Variants in MYRIP observed in about 807,000 individuals in gnomAD.
The protein encoded by MYRIP is myosin VIIA and Rab interacting protein, also known as rab effector MyRIP.
In MYRIP, 49 loss-of-function variants were observed where a neutral mutation model predicts 98.0. That is an observed-to-expected ratio of 0.50 (90% CI 0.40 to 0.63). The LOEUF (loss-of-function observed/expected upper bound fraction) is 0.63. Ranked by LOEUF, MYRIP falls within the 30% of genes least tolerant of loss-of-function variation. MYRIP has a pLI of 0.00. For synonymous variants in MYRIP, 404 were observed against 409.5 expected (o/e 0.99, Z 0.16); for missense variants, 1,004 against 1,058.2 (o/e 0.95, Z 0.71).
chr3:40,196,281 C>T (rs1951392193), intron 10 of MYRIP, among the ~76,000 whole-genome samples: 2 of 151,818 alleles, frequency 1.3e-5, no homozygotes, highest in Admixed American at 1.3e-4. Flanking sequence ...CTTCTTTTTA[C>T]TTTCTTGTTT....
chr3:40,182,714 C>T (rs946387205), intron 9 of MYRIP, among the ~76,000 whole-genome samples: 2 of 152,180 alleles, frequency 1.3e-5, no homozygotes, highest in Admixed American at 6.5e-5. Context: ...GCTGCCTGTT[C>T]TATGTGGACT....
intron 2 of MYRIP, among the ~76,000 whole-genome samples, chr3:40,006,524 G>C (rs1052633224): frequency 1.3e-5 from 2 of 152,190 alleles, no homozygotes; most frequent in Non-Finnish European, 2.9e-5. Context: ...ACTATGGCAG[G>C]TCAGGGGCAT....
At chr3:40,069,963 C>T (rs1042407719) in intron 3 of MYRIP, among the ~76,000 whole-genome samples, 9 of 152,070 alleles carry the variant, frequency 5.9e-5, no homozygotes, top group Non-Finnish European at 1.3e-4. Flanking sequence ...TAAAGTGGTT[C>T]GCAGTATCTT....
chr3:39,855,320 G>A (rs1350258241), intron 1 of MYRIP, among the ~76,000 whole-genome samples: 1 of 152,106 alleles, frequency 6.6e-6, no homozygotes, highest in Admixed American at 6.5e-5. Flanking sequence ...TAGTAGTAGG[G>A]GAATCCAAGT....
chr3:39,824,726 C>G, intron 1 of MYRIP, among the ~76,000 whole-genome samples: 1 of 139,132 alleles, frequency 7.2e-6, no homozygotes, highest in Non-Finnish European at 1.6e-5. Context: ...TTTTCTTTTT[C>G]TTTTTAACAG....
chr3:39,957,488 C>A (rs544362065), intron 2 of MYRIP, among the ~76,000 whole-genome samples: 2 of 152,210 alleles, frequency 1.3e-5, no homozygotes, highest in East Asian at 3.9e-4. Flanking sequence ...GCCCTTCATG[C>A]TAAAAACTCT....
chr3:40,130,512 G>C (rs1949614759), intron 3 of MYRIP, among the ~76,000 whole-genome samples: 2 of 151,474 alleles, frequency 1.3e-5, no homozygotes, highest in African/African-American at 4.9e-5. Context: ...CGAGTAGCTG[G>C]GACTACAGGC....
At chr3:40,066,040 T>A (rs1401131833) in intron 3 of MYRIP, among the ~76,000 whole-genome samples, 1 of 152,160 alleles carries the variant, frequency 6.6e-6, no homozygotes, top group African/African-American at 2.4e-5. Flanking sequence ...GGCCTTGCTG[T>A]GACGAAGAAG....
intron 2 of MYRIP, among the ~76,000 whole-genome samples, chr3:40,024,877 C>A (rs1279716170): frequency 1.3e-5 from 2 of 152,192 alleles, no homozygotes; most frequent in Non-Finnish European, 2.9e-5. Context: ...GGAGCAGAAT[C>A]TTAGCTGGTT....
At chr3:40,076,012 G>A (rs935911748) in intron 3 of MYRIP, among the ~76,000 whole-genome samples, 10 of 152,148 alleles carry the variant, frequency 6.6e-5, no homozygotes, top group East Asian at 1.9e-4. Flanking sequence ...CCTGGCCAAC[G>A]TGGTAAAACC....
intron 2 of MYRIP, among the ~76,000 whole-genome samples, chr3:39,978,447 G>GTCAT (rs1559545764): frequency 6.6e-6 from 1 of 152,188 alleles, no homozygotes; most frequent in Admixed American, 6.5e-5. Flanking sequence ...TTGTCTGCCT[G>GTCAT]TCATTAGGTG....
At chr3:40,097,573 T>C (rs780424693) in intron 3 of MYRIP, among the ~76,000 whole-genome samples, 10 of 151,688 alleles carry the variant, frequency 6.6e-5, no homozygotes, top group East Asian at 1.9e-4. Flanking sequence ...AGCCGTGAAG[T>C]CCACCACGAT....
intron 1 of MYRIP, among the ~76,000 whole-genome samples, chr3:39,845,130 C>G (rs1018143954): frequency 6.6e-6 from 1 of 152,182 alleles, no homozygotes; most frequent in African/African-American, 2.4e-5. Flanking sequence ...AAAGCAACAG[C>G]CCTAGACTGC....
intron 9 of MYRIP, among the ~76,000 whole-genome samples, chr3:40,183,057 T>C (rs1167639027): frequency 6.6e-6 from 1 of 152,178 alleles, no homozygotes; most frequent in Non-Finnish European, 1.5e-5. Flanking sequence ...TTTATGGGCT[T>C]ATCCATATTC....
intron 2 of MYRIP, among the ~76,000 whole-genome samples, chr3:39,935,741 C>T (rs536504734): frequency 6.6e-6 from 1 of 152,048 alleles, no homozygotes; most frequent in Admixed American, 6.6e-5. Flanking sequence ...CAAGGACAAG[C>T]AGGAACAGGA....
chr3:39,959,882 C>T (rs963858328), intron 2 of MYRIP, among the ~76,000 whole-genome samples: 1 of 152,036 alleles, frequency 6.6e-6, no homozygotes, highest in Admixed American at 6.6e-5. Context: ...TGTCTAGCAC[C>T]ATGGTGTTCG....
At chr3:39,873,390 G>A (rs200461536) in intron 1 of MYRIP, among the ~76,000 whole-genome samples, 3,686 of 152,244 alleles carry the variant, frequency 0.024, 106 homozygotes, top group East Asian at 0.09. Context: ...TGCTTTTGGT[G>A]TTTTAGACAT....
chr3:39,954,979 A>G (rs1945118712), intron 2 of MYRIP, among the ~76,000 whole-genome samples: 1 of 152,152 alleles, frequency 6.6e-6, no homozygotes, highest in East Asian at 1.9e-4. Flanking sequence ...AGAAAAAAAA[A>G]GAGAGAAAAG....
At chr3:39,906,758 G>T (rs1217318849) in intron 2 of MYRIP, among the ~76,000 whole-genome samples, 1 of 152,174 alleles carries the variant, frequency 6.6e-6, no homozygotes, top group Non-Finnish European at 1.5e-5. Flanking sequence ...GCCCTCAGCT[G>T]GGATCAGTGT....
Sources: allele counts gnomAD v4.1 joint callset (sites outside exome capture counted in the v4.1 genomes callset), GRCh38; gene constraint gnomAD v4.1.1; transcripts MANE v1.5; gene names NCBI Gene and HGNC (gene_info 2026-07-23, HGNC 2026-07-21).